MARCHF1: variants seen among roughly 807,000 people sequenced by gnomAD.
The protein encoded by MARCHF1 is membrane associated ring-CH-type finger 1.
Under a neutral mutation model 54.2 loss-of-function variants are expected in MARCHF1, and 40 were observed. The observed-to-expected ratio is 0.74, with a 90% confidence interval of 0.57 to 0.96. The LOEUF is 0.96. MARCHF1 is among the 40% of genes least tolerant of loss of function. MARCHF1 has a pLI of 0.00. For synonymous variants in MARCHF1, 236 were observed against 236.3 expected (o/e 1.00, Z 0.01); for missense variants, 586 against 656.5 (o/e 0.89, Z 1.17).
At chr4:163,728,679 A>T (rs1745740599) in intron 4 of MARCHF1, among the ~76,000 whole-genome samples, 1 of 152,188 alleles carries the variant, frequency 6.6e-6, no homozygotes, top group Non-Finnish European at 1.5e-5. Context: ...ATCACTTCCT[A>T]GGTTTAGCCT....
intron 1 of MARCHF1, among the ~76,000 whole-genome samples, chr4:164,329,584 A>T (rs1019150160): frequency 3.3e-5 from 5 of 152,248 alleles, no homozygotes; most frequent in Non-Finnish European, 7.3e-5. Context: ...GTAATTTATA[A>T]GAAAAGACGT....
At chr4:163,631,104 T>G (rs1742060999) in intron 5 of MARCHF1, among the ~76,000 whole-genome samples, 1 of 152,190 alleles carries the variant, frequency 6.6e-6, no homozygotes, top group Non-Finnish European at 1.5e-5. Context: ...TTTTCAAAGC[T>G]GGACTTTCTG....
chr4:164,119,294 A>G (rs1265423707), intron 1 of MARCHF1, among the ~76,000 whole-genome samples: 3 of 151,660 alleles, frequency 2.0e-5, no homozygotes, highest in Admixed American at 6.6e-5. Flanking sequence ...AAATTAAAAT[A>G]TCTCAAAAAA....
intron 1 of MARCHF1, among the ~76,000 whole-genome samples, chr4:164,132,051 A>G (rs900511291): frequency 6.6e-6 from 1 of 152,188 alleles, no homozygotes; most frequent in Non-Finnish European, 1.5e-5. Context: ...AGCCAATGGA[A>G]CAACATAAAG....
At chr4:163,757,144 G>A (rs1488584957) in intron 4 of MARCHF1, among the ~76,000 whole-genome samples, 3 of 152,086 alleles carry the variant, frequency 2.0e-5, no homozygotes, top group Admixed American at 6.5e-5. Context: ...TTAGTCCCTG[G>A]GGAGAAGATC....
chr4:164,036,733 A>G (rs1433403701), intron 2 of MARCHF1, among the ~76,000 whole-genome samples: 1 of 152,188 alleles, frequency 6.6e-6, no homozygotes, highest in African/African-American at 2.4e-5. Flanking sequence ...ACAAATTAAA[A>G]TCTCAATGTC....
At chr4:164,071,674 TCTTA>T (rs1322828521) in intron 2 of MARCHF1, among the ~76,000 whole-genome samples, 6 of 152,180 alleles carry the variant, frequency 3.9e-5, no homozygotes, top group African/African-American at 7.2e-5. Context: ...GTTTTGCTGG[TCTTA>T]CTTCTTTTTA....
chr4:164,013,692 A>G (rs768840051), intron 2 of MARCHF1, among the ~76,000 whole-genome samples: 10 of 152,216 alleles, frequency 6.6e-5, no homozygotes, highest in Non-Finnish European at 1.5e-4. Context: ...AGCAGCAGCA[A>G]CTGTGCAGGT....
At chr4:164,060,502 C>T (rs1287836448) in intron 2 of MARCHF1, among the ~76,000 whole-genome samples, 1 of 151,976 alleles carries the variant, frequency 6.6e-6, no homozygotes, top group African/African-American at 2.4e-5. Context: ...ATTTGTAGTC[C>T]TGTAGTGAAA....
chr4:163,539,972 C>T (rs1449482389), intron 9 of MARCHF1, among the ~76,000 whole-genome samples: 2 of 152,048 alleles, frequency 1.3e-5, no homozygotes, highest in Non-Finnish European at 2.9e-5. Context: ...GTTCCTCTCC[C>T]CTGAAGGCAC....
intron 3 of MARCHF1, among the ~76,000 whole-genome samples, chr4:163,890,039 C>T (rs1266054767): frequency 8.1e-4 from 120 of 148,286 alleles, no homozygotes; most frequent in Non-Finnish European, 1.5e-3. Flanking sequence ...ATTCTCCTGT[C>T]TCAGCCTCCC....
At position 164,141,250 on chromosome 4, in the gene MARCHF1, C is replaced by T. The variant is rs963703173; in HGVS notation, c.-322-29588G>A. ...AAGGATGGGGGCTTCTAGAACTTTT[C>T]CTGTCAGCTAATATTTTAAGATCAT... On this transcript the variant is annotated intron_variant, in intron 1 of 9. Coordinates refer to ENST00000514618, the MANE Select transcript of MARCHF1 (RefSeq NM_001394959.1). Among the ~76,000 whole-genome samples, 4 of 152,130 alleles carry T rather than the reference C, an allele frequency of 2.6e-5. 1 individual carries two copies. Among genetic ancestry groups the T allele is most frequent in the Admixed American group, 1.3e-4 (2 of 15,270 alleles).
intron 1 of MARCHF1, among the ~76,000 whole-genome samples, chr4:164,119,541 G>A (rs1042645031): frequency 6.6e-6 from 1 of 151,120 alleles, no homozygotes; most frequent in African/African-American, 2.4e-5. Context: ...AAAAATTGAG[G>A]TTAAAAATTT....
intron 1 of MARCHF1, among the ~76,000 whole-genome samples, chr4:164,225,499 G>A (rs1376176121): frequency 6.6e-6 from 1 of 151,870 alleles, no homozygotes; most frequent in Admixed American, 6.6e-5. Context: ...AAAAAACTTG[G>A]AAAAATGCAC....
At position 164,171,717 on chromosome 4, in the gene MARCHF1, A is replaced by G. The variant is rs1365128842; in HGVS notation, c.-322-60055T>C. Among the ~76,000 whole-genome samples the G allele has an allele frequency of 3.9e-5, 6 of 152,216 alleles. 1 individual carries two copies. The highest frequency in any genetic ancestry group is 2.9e-5 in the Non-Finnish European group (2 of 68,044). On this transcript the variant is annotated intron_variant, in intron 1 of 9. Coordinates refer to ENST00000514618, the MANE Select transcript of MARCHF1 (RefSeq NM_001394959.1). ...AAAACTTATCATCAAGGTCCTCAGT[A>G]TACTGACTTTTTCTGTCATCCAAAT... is the stretch of plus-strand genomic sequence containing the variant.
At chr4:164,061,493 G>A (rs1010123474) in intron 2 of MARCHF1, among the ~76,000 whole-genome samples, 1 of 121,166 alleles carries the variant, frequency 8.3e-6, no homozygotes, top group Non-Finnish European at 1.6e-5. Context: ...AGAACACATG[G>A]ACACAGGAAG....
intron 4 of MARCHF1, among the ~76,000 whole-genome samples, chr4:163,741,002 T>C (rs1441235419): frequency 6.6e-6 from 1 of 152,198 alleles, no homozygotes; most frequent in Non-Finnish European, 1.5e-5. Flanking sequence ...TGTGATACCT[T>C]CTCTATAGTC....
At chr4:164,356,782 A>AAAAAAAAAAAAAAAGC (rs1190014033) in intron 1 of MARCHF1, among the ~76,000 whole-genome samples, 3 of 135,922 alleles carry the variant, frequency 2.2e-5, no homozygotes, top group Middle Eastern at 3.7e-3. Flanking sequence ...AAGAAAAGCA[A>AAAAAAAAAAAAAAAGC]AAAAAAAAAA....
chr4:163,790,646 C>T (rs947390828), intron 4 of MARCHF1, among the ~76,000 whole-genome samples: 7 of 152,126 alleles, frequency 4.6e-5, no homozygotes, highest in African/African-American at 1.7e-4. Flanking sequence ...GACTTTGTAT[C>T]TGCAGTATAA....
Sources: gnomAD v4.1 joint callset for allele counts (sites outside exome capture counted in the v4.1 genomes callset) on GRCh38, gnomAD v4.1.1 for gene constraint, MANE v1.5 for transcripts, NCBI Gene and HGNC (gene_info 2026-07-23, HGNC 2026-07-21) for gene names.